The following DOCK4 variants were observed in gnomAD, a reference collection of about 807,000 sequenced individuals.
DOCK4 encodes the protein dedicator of cytokinesis 4.
Under a neutral mutation model 268.1 loss-of-function variants are expected in DOCK4, and 97 were observed. That is an observed-to-expected ratio of 0.36 (90% CI 0.31 to 0.43). The LOEUF (loss-of-function observed/expected upper bound fraction) is 0.43. DOCK4 is among the 20% of genes least tolerant of loss of function. The pLI, the probability that DOCK4 is intolerant of heterozygous loss-of-function variation, is 1.00. For synonymous variants in DOCK4, 954 were observed against 887.2 expected (o/e 1.08, Z -1.34); for missense variants, 2,145 against 2,455.7 (o/e 0.87, Z 2.67).
chr7:112,119,804 C>CACAGT (rs372771973), intron 1 of DOCK4, among the ~76,000 whole-genome samples: 1 of 151,592 alleles, frequency 6.6e-6, no homozygotes, highest in African/African-American at 2.4e-5. Context: ...AGGCAGGAAG[C>CACAGT]ACAGTGCCTG....
chr7:111,822,644 C>T (rs1468423594), intron 26 of DOCK4, among the ~76,000 whole-genome samples, 188 bp from the exon 27 acceptor site: 1 of 152,154 alleles, frequency 6.6e-6, no homozygotes, highest in Non-Finnish European at 1.5e-5. Context: ...CTCAAACCCA[C>T]CCAAATGTTT....
intron 38 of DOCK4, among the ~76,000 whole-genome samples, chr7:111,765,929 C>T (rs529762528): frequency 4.4e-4 from 67 of 152,280 alleles, no homozygotes; most frequent in Middle Eastern, 3.4e-3. Flanking sequence ...TCTATCCCCC[C>T]TCTAGTAACA....
chr7:111,962,560 G>A (rs558846189), intron 8 of DOCK4, among the ~76,000 whole-genome samples: 4 of 152,238 alleles, frequency 2.6e-5, no homozygotes, highest in African/African-American at 4.8e-5. Flanking sequence ...CGGTACACAA[G>A]ACACACAAAG....
chr7:111,933,047 G>A (rs1794326324), intron 12 of DOCK4, among the ~76,000 whole-genome samples: 1 of 149,344 alleles, frequency 6.7e-6, no homozygotes, highest in African/African-American at 2.5e-5. Flanking sequence ...GGACAATCAG[G>A]AGAAGTGTGT....
At chr7:111,979,158 G>A (rs1798420079) in intron 7 of DOCK4, among the ~76,000 whole-genome samples, 2 of 152,170 alleles carry the variant, frequency 1.3e-5, no homozygotes, top group Non-Finnish European at 2.9e-5. Flanking sequence ...AAATTTACAA[G>A]TGTTAACACA....
chr7:111,925,576 C>T (rs755208109), intron 12 of DOCK4, among the ~76,000 whole-genome samples: 2 of 152,112 alleles, frequency 1.3e-5, no homozygotes, highest in African/African-American at 2.4e-5. Flanking sequence ...GTGAACATTA[C>T]CAGAGGCCTG....
chr7:112,006,774 T>C (rs1800898822), intron 1 of DOCK4, among the ~76,000 whole-genome samples: 1 of 152,216 alleles, frequency 6.6e-6, no homozygotes, highest in African/African-American at 2.4e-5. Flanking sequence ...TCACTGCCTG[T>C]GATCAAGTGG....
intron 1 of DOCK4, among the ~76,000 whole-genome samples, chr7:112,162,263 A>T (rs1817194222): frequency 6.6e-6 from 1 of 152,024 alleles, no homozygotes; most frequent in Non-Finnish European, 1.5e-5. Flanking sequence ...TCTGCCTGCC[A>T]GCACTCCTCC....
Position 111,808,859 on chromosome 7 carries a change from G to GT in DOCK4, c.3127dup (p.Thr1043AsnfsTer5). On this transcript the variant is annotated frameshift_variant, in exon 30 of 53. Transcript: ENST00000428084. LOFTEE classifies it high-confidence loss of function. Reference sequence around the variant, plus strand: ...CATGCTGAAAATTTCACAACCCATTGTTACCCGCATGTCACCATACCTGAA... The same window carrying GT: ...CATGCTGAAAATTTCACAACCCATTGTTTACCCGCATGTCACCATACCTGAA... 1 of 1,613,122 alleles carries GT rather than the reference G, an allele frequency of 6.2e-7. No individual in the cohort carries two copies. The highest frequency in any genetic ancestry group is 8.5e-7 in the Non-Finnish European group (1 of 1,179,598).
chr7:112,012,678 A>C (rs946291667), intron 1 of DOCK4, among the ~76,000 whole-genome samples: 5 of 152,102 alleles, frequency 3.3e-5, no homozygotes, highest in African/African-American at 9.7e-5. Flanking sequence ...ATGAAAAAAA[A>C]CCTCCTTTTT....
chr7:112,141,039 T>A (rs757542760), intron 1 of DOCK4, among the ~76,000 whole-genome samples: 10 of 152,184 alleles, frequency 6.6e-5, no homozygotes, highest in Non-Finnish European at 1.3e-4. Flanking sequence ...CAACCCTGAA[T>A]GACACACCCG....
chr7:111,862,603 G>A (rs147709871), intron 23 of DOCK4, among the ~76,000 whole-genome samples: 4,103 of 142,796 alleles, frequency 0.029, 213 homozygotes, highest in African/African-American at 0.099. Context: ...CAACTCTCCC[G>A]CCTCAGCCTC....
At chr7:111,917,441 C>T (rs964788351) in intron 12 of DOCK4, among the ~76,000 whole-genome samples, 8 of 151,914 alleles carry the variant, frequency 5.3e-5, no homozygotes, top group African/African-American at 1.9e-4. Flanking sequence ...TGGCCGGGTG[C>T]GGTGGCTCAC....
At chr7:111,826,405 G>A (rs73436217) in intron 26 of DOCK4, among the ~76,000 whole-genome samples, 30,831 of 152,072 alleles carry the variant, frequency 0.2, 7,973 homozygotes, top group African/African-American at 0.59. Context: ...ATGTTTGAGA[G>A]GATCGAATTT....
intron 1 of DOCK4, among the ~76,000 whole-genome samples, chr7:112,018,179 A>AAAAAAAAAAAAAACAC: frequency 6.9e-5 from 5 of 72,628 alleles, no homozygotes; most frequent in South Asian, 4.4e-4. Context: ...AAAAAAAAAA[A>AAAAAAAAAAAAAACAC]ACACAGGCAA....
intron 21 of DOCK4, 108 bp from the exon 22 acceptor site, chr7:111,868,262 C>A (rs1406940401): frequency 2.4e-6 from 2 of 828,546 alleles, no homozygotes; most frequent in Non-Finnish European, 3.6e-6. Context: ...TTACATTATT[C>A]ATGTAGACAC....
At chr7:111,889,004 C>A (rs1351820096) in intron 16 of DOCK4, among the ~76,000 whole-genome samples, 1 of 152,052 alleles carries the variant, frequency 6.6e-6, no homozygotes, top group African/African-American at 2.4e-5. Flanking sequence ...TCACTTAAGG[C>A]AGAACATTTT....
chr7:112,122,018 A>G (rs1384279322), intron 1 of DOCK4, among the ~76,000 whole-genome samples: 1 of 152,196 alleles, frequency 6.6e-6, no homozygotes, highest in Non-Finnish European at 1.5e-5. Context: ...AAACAATATT[A>G]GATAATATTT....
intron 30 of DOCK4, chr7:111,808,295 C>G (rs569843041): frequency 6.5e-6 from 1 of 152,794 alleles, no homozygotes; most frequent in Non-Finnish European, 1.5e-5. Flanking sequence ...ATAATATACT[C>G]TATCTGCTAT....
Sources: allele counts gnomAD v4.1 joint callset (sites outside exome capture counted in the v4.1 genomes callset), GRCh38; gene constraint gnomAD v4.1.1; transcripts MANE v1.5; gene names NCBI Gene and HGNC (gene_info 2026-07-23, HGNC 2026-07-21).